TAFA1: variants seen among roughly 807,000 people sequenced by gnomAD.
TAFA1 encodes the protein TAFA chemokine like family member 1.
Under a neutral mutation model 18.5 loss-of-function variants are expected in TAFA1, and 4 were observed. The ratio of observed to expected loss-of-function variants is 0.22; its 90% CI spans 0.11 to 0.49. The LOEUF (loss-of-function observed/expected upper bound fraction) is 0.49, where lower values mean the gene tolerates loss of function less well. Among genes scored for constraint, TAFA1 ranks in the 20% least tolerant of loss-of-function variants. The pLI is 0.98. For missense variants in TAFA1, 147 were observed against 169.0 expected, an observed-to-expected ratio of 0.87 and a Z score of 0.72; for synonymous variants, 56 against 55.2, an observed-to-expected ratio of 1.01 and a Z score of -0.06.
Position 68,206,998 on chromosome 3 carries a change from T to A in TAFA1, c.118+200254T>A, listed in dbSNP as rs115455064. Among the ~76,000 whole-genome samples the A allele has an allele frequency of 1.5e-3, 222 of 152,020 alleles. 2 individuals carry two copies. Among genetic ancestry groups the A allele is most frequent in the African/African-American group, 5.2e-3 (217 of 41,502 alleles). On this transcript the variant is annotated intron_variant, in intron 2 of 4. Coordinates refer to ENST00000478136, the MANE Select transcript of TAFA1 (RefSeq NM_213609.4). Reference sequence around the variant, plus strand: ...TAAGGTGTTTTTACCAAGAAGGTGGTGTAATTCAACATCAAAAAGTTCCCT... The same window carrying A: ...TAAGGTGTTTTTACCAAGAAGGTGGAGTAATTCAACATCAAAAAGTTCCCT...
At chr3:68,178,801 T>C (rs1205026861) in intron 2 of TAFA1, among the ~76,000 whole-genome samples, 3 of 152,190 alleles carry the variant, frequency 2.0e-5, no homozygotes, top group Non-Finnish European at 4.4e-5. Context: ...AGATTCAATT[T>C]AGAGAATAGT....
At chr3:68,410,148 A>G (rs975317140) in intron 2 of TAFA1, among the ~76,000 whole-genome samples, 4 of 151,826 alleles carry the variant, frequency 2.6e-5, no homozygotes, top group African/African-American at 9.7e-5. Context: ...TCTTTTTTGG[A>G]TATTAGAAAC....
At chr3:68,091,431 T>C (rs772602100) in intron 2 of TAFA1, among the ~76,000 whole-genome samples, 30 of 152,170 alleles carry the variant, frequency 2.0e-4, no homozygotes, top group Admixed American at 1.2e-3. Context: ...TAAATCATAA[T>C]ATTTAACTTA....
intron 2 of TAFA1, among the ~76,000 whole-genome samples, chr3:68,028,777 G>C (rs994188965): frequency 6.6e-6 from 1 of 150,466 alleles, no homozygotes; most frequent in African/African-American, 2.4e-5. Flanking sequence ...TTTTGAGATA[G>C]GGTTTCACTC....
chr3:68,472,082 G>C (rs974804579), intron 3 of TAFA1, among the ~76,000 whole-genome samples: 16 of 152,046 alleles, frequency 1.1e-4, no homozygotes, highest in African/African-American at 1.4e-4. Context: ...ATTTGGGGGG[G>C]ACCAGTGACA....
At chr3:68,408,936 T>G (rs529287472) in intron 2 of TAFA1, among the ~76,000 whole-genome samples, 7 of 152,188 alleles carry the variant, frequency 4.6e-5, no homozygotes, top group Non-Finnish European at 1.0e-4. Flanking sequence ...AGTACTGGAA[T>G]AGTGGTAAAA....
intron 2 of TAFA1, among the ~76,000 whole-genome samples, chr3:68,195,720 G>A (rs939933930): frequency 2.6e-5 from 4 of 151,682 alleles, no homozygotes; most frequent in Non-Finnish European, 3.0e-5. Context: ...GTATGATCAC[G>A]CTATGTTTGA....
Position 68,050,886 on chromosome 3 carries a change from A to G in TAFA1, c.118+44142A>G, listed in dbSNP as rs911887974. Among the ~76,000 whole-genome samples the G allele has an allele frequency of 7.2e-5, 11 of 152,198 alleles. 1 individual carries two copies. The highest frequency in any genetic ancestry group is 5.9e-4 in the Admixed American group (9 of 15,266). On this transcript the variant is annotated intron_variant, in intron 2 of 4. Transcript: ENST00000478136. The stretch of plus-strand genomic sequence containing the variant: ...CCAGTAAAACTTGATTTGCTAAAAC[A>G]GGTGGTGGGCTGGATTTGACCCACC...
At chr3:68,278,690 C>A (rs2067840166) in intron 2 of TAFA1, among the ~76,000 whole-genome samples, 3 of 152,116 alleles carry the variant, frequency 2.0e-5, no homozygotes, top group Admixed American at 2.0e-4. Flanking sequence ...TTTCTTAGCA[C>A]AGTGCTTTAT....
chr3:68,521,671 T>G (rs973575349), intron 3 of TAFA1, among the ~76,000 whole-genome samples: 3 of 152,116 alleles, frequency 2.0e-5, no homozygotes, highest in African/African-American at 7.2e-5. Context: ...TATTTATTCC[T>G]CATGCAAATG....
At chr3:68,061,517 A>G (rs1222974015) in intron 2 of TAFA1, among the ~76,000 whole-genome samples, 1 of 152,194 alleles carries the variant, frequency 6.6e-6, no homozygotes, top group Admixed American at 6.5e-5. Context: ...TGGCATATAC[A>G]TCCTCAGAAT....
intron 2 of TAFA1, among the ~76,000 whole-genome samples, chr3:68,124,119 T>A (rs2065436455): frequency 6.6e-6 from 1 of 151,018 alleles, no homozygotes. Context: ...TGAGGGTTTC[T>A]TTTTTTTATT....
At chr3:68,513,481 T>C (rs2072878864) in intron 3 of TAFA1, among the ~76,000 whole-genome samples, 1 of 152,214 alleles carries the variant, frequency 6.6e-6, no homozygotes, top group Non-Finnish European at 1.5e-5. Context: ...TATCCACATG[T>C]GGCTAGTAGT....
intron 2 of TAFA1, among the ~76,000 whole-genome samples, chr3:68,229,133 C>T (rs1466654671): frequency 3.9e-5 from 6 of 152,066 alleles, no homozygotes; most frequent in Non-Finnish European, 8.8e-5. Flanking sequence ...GATTTTTGAA[C>T]CAGATAGGCA....
At chr3:68,507,239 C>T (rs550539861) in intron 3 of TAFA1, among the ~76,000 whole-genome samples, 94 of 151,950 alleles carry the variant, frequency 6.2e-4, no homozygotes, top group African/African-American at 2.1e-3. Flanking sequence ...CCACTGGGCC[C>T]TAAAACTAAA....
chr3:68,296,030 C>G (rs1482582096), intron 2 of TAFA1, among the ~76,000 whole-genome samples: 3 of 152,140 alleles, frequency 2.0e-5, no homozygotes, highest in Admixed American at 1.3e-4. Context: ...CTGTCGACAA[C>G]AGATAAAGTT....
intron 2 of TAFA1, among the ~76,000 whole-genome samples, chr3:68,295,442 A>T (rs368664756): frequency 6.6e-6 from 1 of 152,050 alleles, no homozygotes; most frequent in South Asian, 2.1e-4. Flanking sequence ...TTTTAAGTCT[A>T]TTTAAAAAGT....
At chr3:68,049,935 T>C (rs1461610143) in intron 2 of TAFA1, among the ~76,000 whole-genome samples, 1 of 152,106 alleles carries the variant, frequency 6.6e-6, no homozygotes, top group African/African-American at 2.4e-5. Flanking sequence ...ACTCAGATAC[T>C]CCCATAAATG....
chr3:68,450,043 G>C (rs1369417387), intron 3 of TAFA1, among the ~76,000 whole-genome samples: 1 of 151,984 alleles, frequency 6.6e-6, no homozygotes. Context: ...CTGGAGGCAG[G>C]TAGAACAGTT....
Sources: gnomAD v4.1 joint callset for allele counts (sites outside exome capture counted in the v4.1 genomes callset) on GRCh38, gnomAD v4.1.1 for gene constraint, MANE v1.5 for transcripts, NCBI Gene and HGNC (gene_info 2026-07-23, HGNC 2026-07-21) for gene names.